Variants in RBFOX1 observed in about 807,000 individuals in gnomAD.
RBFOX1 encodes RNA binding protein fox-1 homolog 1.
In RBFOX1, 8 loss-of-function variants were observed where a neutral mutation model predicts 57.7. The observed-to-expected ratio is 0.14, with a 90% confidence interval of 0.08 to 0.25. The LOEUF (loss-of-function observed/expected upper bound fraction) is 0.25. Ranked by LOEUF, RBFOX1 falls within the 10% of genes least tolerant of loss-of-function variation. The probability of loss-of-function intolerance (pLI) is 1.00; values close to 1 mark genes in which losing one functional copy is unlikely to be tolerated. For missense variants in RBFOX1, 611 were observed against 548.5 expected (o/e 1.11, Z -1.14); for synonymous variants, 326 against 222.4 (o/e 1.47, Z -4.15).
intron 2 of RBFOX1, among the ~76,000 whole-genome samples, chr16:5,557,051 A>T (rs2045704417): frequency 6.6e-6 from 1 of 152,028 alleles, no homozygotes; most frequent in Admixed American, 6.6e-5. Flanking sequence ...TGAGGTCAGG[A>T]GATCAAGGCC....
At chr16:7,191,016 C>A (rs922209477) in intron 4 of RBFOX1, among the ~76,000 whole-genome samples, 3 of 152,054 alleles carry the variant, frequency 2.0e-5, no homozygotes, top group Admixed American at 6.6e-5. Context: ...GTCTCCCACC[C>A]CCACATAGTG....
intron 2 of RBFOX1, among the ~76,000 whole-genome samples, chr16:5,593,306 A>C (rs991775143): frequency 6.7e-6 from 1 of 149,384 alleles, no homozygotes; most frequent in Non-Finnish European, 1.5e-5. Flanking sequence ...ACACATGGAC[A>C]CGGGGAGGGG....
intron 3 of RBFOX1, among the ~76,000 whole-genome samples, chr16:5,722,109 A>C (rs1408834351): frequency 6.6e-6 from 1 of 152,220 alleles, no homozygotes; most frequent in Non-Finnish European, 1.5e-5. Context: ...AGGTTGCTCT[A>C]CTGACATCCT....
chr16:5,815,156 A>ATT (rs71142650), intron 3 of RBFOX1, among the ~76,000 whole-genome samples: 18,058 of 114,158 alleles, frequency 0.16, 1,906 homozygotes, highest in Non-Finnish European at 0.17. Context: ...ATTTAATTTA[A>ATT]TTTTTTTTTT....
chr16:5,412,249 ATCCTCATC>A (rs57555286), intron 1 of RBFOX1, among the ~76,000 whole-genome samples: 23,450 of 152,104 alleles, frequency 0.15, 1,879 homozygotes, highest in Middle Eastern at 0.21. Flanking sequence ...AGTCTTTAGA[ATCCTCATC>A]TCTGAGTTAG....
At chr16:6,727,691 T>A (rs1199824427) in intron 3 of RBFOX1, among the ~76,000 whole-genome samples, 1 of 152,144 alleles carries the variant, frequency 6.6e-6, no homozygotes, top group African/African-American at 2.4e-5. Flanking sequence ...CTTACAAATG[T>A]CCCTGGTACA....
intron 3 of RBFOX1, among the ~76,000 whole-genome samples, chr16:6,695,510 GTTTC>G (rs2060911055): frequency 6.6e-6 from 1 of 150,650 alleles, no homozygotes; most frequent in South Asian, 2.1e-4. Context: ...GATTAAACAA[GTTTC>G]TTTAAGATTT....
At chr16:5,928,161 A>G (rs1420677565) in intron 4 of RBFOX1, among the ~76,000 whole-genome samples, 1 of 152,148 alleles carries the variant, frequency 6.6e-6, no homozygotes, top group African/African-American at 2.4e-5. Context: ...TGGTGTGATC[A>G]CAGCTCACTG....
rs551027271 is a variant in RBFOX1, at chr16:7,061,849, A to G, written c.27+9751A>G. Among the ~76,000 whole-genome samples, 21 of 152,286 alleles carry G rather than the reference A, an allele frequency of 1.4e-4. No individual in the cohort carries two copies. In the South Asian group the frequency reaches 4.4e-3, roughly 32 times the overall value. On this transcript the variant is annotated intron_variant, in intron 4 of 15. Transcript: ENST00000550418. ...TCCTTTGAGGTCTAAATACCATTTC[A>G]GGAGAAAAAAAAATACGTGATAGGC...
At chr16:6,304,869 C>A (rs1475315129) in intron 1 of RBFOX1, among the ~76,000 whole-genome samples, 2 of 53,126 alleles carry the variant, frequency 3.8e-5, no homozygotes, top group South Asian at 6.5e-4. Context: ...ACAGTGAGAC[C>A]CTGTCTCAAA....
At chr16:7,051,576 A>G (rs1279851165) in intron 3 of RBFOX1, among the ~76,000 whole-genome samples, 1 of 152,222 alleles carries the variant, frequency 6.6e-6, no homozygotes, top group Non-Finnish European at 1.5e-5. Context: ...TTAGAACTGG[A>G]CCATAAAATG....
chr16:6,780,072 TTTACATA>T (rs1192062495), intron 3 of RBFOX1, among the ~76,000 whole-genome samples: 1 of 12,716 alleles, frequency 7.9e-5, no homozygotes, highest in Non-Finnish European at 1.1e-4. Context: ...TTTATATATA[TTTACATA>T]TTTATATATA....
intron 14 of RBFOX1, among the ~76,000 whole-genome samples, chr16:7,705,744 C>T (rs1479242459): frequency 2.0e-5 from 3 of 152,008 alleles, no homozygotes; most frequent in Non-Finnish European, 4.4e-5. Context: ...TTTGAAGGAG[C>T]AAGAGTTGAA....
chr16:6,650,909 G>A (rs2098585726), intron 2 of RBFOX1, among the ~76,000 whole-genome samples: 1 of 152,040 alleles, frequency 6.6e-6, no homozygotes, highest in African/African-American at 2.4e-5. Flanking sequence ...TTGATTGGTT[G>A]GTTGTTTTTT....
chr16:7,186,994 C>CAAAAAAAAAAAAA (rs35177784), intron 4 of RBFOX1, among the ~76,000 whole-genome samples: 3 of 69,262 alleles, frequency 4.3e-5, no homozygotes, highest in African/African-American at 1.3e-4. Flanking sequence ...CCCACCTCCA[C>CAAAAAAAAAAAAA]AAAAAAAAAA....
intron 1 of RBFOX1, among the ~76,000 whole-genome samples, chr16:6,029,786 A>G (rs954546631): frequency 3.0e-4 from 46 of 151,942 alleles, no homozygotes; most frequent in African/African-American, 1.1e-3. Flanking sequence ...AAAAAAAAAA[A>G]AAAAAGGGGA....
At position 5,493,583 on chromosome 16, in the gene RBFOX1, T is replaced by A. The variant is rs78212755; in HGVS notation, c.258+26329T>A. 6.8e-3 allele frequency among the ~76,000 whole-genome samples: 1,029 copies of A among 152,270 alleles called. 7 individuals carry two copies. The highest frequency in any genetic ancestry group is 0.012 in the Non-Finnish European group (844 of 68,012). ...GTGCTGATTGATGGGACAGAATATT[T>A]TCCATACACACCTATCATGGGCAAA... On this transcript the variant is annotated intron_variant, in intron 2 of 2. Transcript: ENST00000585867.
chr16:6,416,575 C>T (rs1237813755), intron 2 of RBFOX1, among the ~76,000 whole-genome samples: 1 of 152,002 alleles, frequency 6.6e-6, no homozygotes, highest in Non-Finnish European at 1.5e-5. Flanking sequence ...AAGAGTGGCA[C>T]CGAGGCTTCT....
At position 7,126,339 on chromosome 16, in the gene RBFOX1, A is replaced by T. The variant is rs151159625; in HGVS notation, c.27+74241A>T. 2.2e-3 allele frequency: 599 copies of T among 274,010 alleles called. 9 individuals are homozygous for T. Among genetic ancestry groups the T allele is most frequent in the South Asian group, 0.017 (359 of 21,342 alleles). 17.0% of individuals were successfully genotyped at this position (274,010 alleles called of 1,614,324 possible). A position where few individuals can be genotyped will look rare whatever the true frequency, so the allele number is the denominator to read the frequency against. On this transcript the variant is annotated intron_variant, in intron 4 of 15. Transcript: ENST00000550418. ...TCATGGGGCAGCACCCGCAGGTCTA[A>T]ATCGAGGTGGGGGTTTTTGGTCCCT... is the stretch of plus-strand genomic sequence containing the variant.
Sources: allele counts gnomAD v4.1 joint callset (sites outside exome capture counted in the v4.1 genomes callset), GRCh38; gene constraint gnomAD v4.1.1; transcripts MANE v1.5; gene names NCBI Gene and HGNC (gene_info 2026-07-23, HGNC 2026-07-21).